PCDHGA2: variants seen among roughly 807,000 people sequenced by gnomAD.
PCDHGA2 encodes the protein protocadherin gamma-A2.
A neutral mutation model predicts 59.2 loss-of-function variants in PCDHGA2; 40 were observed. That is an observed-to-expected ratio of 0.68 (90% CI 0.52 to 0.88). The LOEUF (loss-of-function observed/expected upper bound fraction) is 0.88, where lower values mean the gene tolerates loss of function less well. Ranked by LOEUF, PCDHGA2 falls within the 40% of genes least tolerant of loss-of-function variation. The pLI, the probability that PCDHGA2 is intolerant of heterozygous loss-of-function variation, is 0.00. For missense variants in PCDHGA2, 1,226 were observed against 1,204.0 expected (o/e 1.02, Z -0.27); for synonymous variants, 560 against 526.0 (o/e 1.06, Z -0.89).
Position 141,425,952 on chromosome 5 carries a change from T to C in PCDHGA2, c.2425-68855T>C, listed in dbSNP as rs1047436598. 3.9e-5 allele frequency among the ~76,000 whole-genome samples: 6 copies of C among 152,364 alleles called. No individual in the cohort carries two copies. In the South Asian group the frequency reaches 8.3e-4, roughly 21 times the overall value. ...ATAAAATGTCTAGTTTCCTATACATTAGTCCAACACATCAGTCTAATTCTG... is the reference window on the plus strand; with the variant it reads ...ATAAAATGTCTAGTTTCCTATACATCAGTCCAACACATCAGTCTAATTCTG... On this transcript the variant is annotated intron_variant, in intron 1 of 3. Coordinates refer to ENST00000394576, the MANE Select transcript of PCDHGA2 (RefSeq NM_018915.4).
chr5:141,394,458 A>T, intron 1 of PCDHGA2: 1 of 1,614,218 alleles, frequency 6.2e-7, no homozygotes, highest in Non-Finnish European at 8.5e-7. Context: ...CATGTCACTG[A>T]GCCTGTTCGT....
At chr5:141,348,209 C>T (rs539504808) in intron 1 of PCDHGA2, among the ~76,000 whole-genome samples, 12 of 152,292 alleles carry the variant, frequency 7.9e-5, no homozygotes, top group African/African-American at 2.9e-4. Flanking sequence ...ATTCCTCCCT[C>T]AATATATTAG....
rs370067669 is a variant in PCDHGA2 at position 141,419,410 on chromosome 5, G to A, written c.2425-75397G>A. ...CGCAGAGCGGGGTGGTGTTCGCGCA[G>A]CGCGCCTTCGACCACGAGCAGCTGC... On this transcript the variant is annotated intron_variant, in intron 1 of 3. Coordinates refer to ENST00000394576, the MANE Select transcript of PCDHGA2 (RefSeq NM_018915.4). 140 of 1,613,468 alleles carry A rather than the reference G, an allele frequency of 8.7e-5. No individual in the cohort carries two copies. In the African/African-American group the frequency reaches 1.8e-3, roughly 20 times the overall value.
intron 1 of PCDHGA2, among the ~76,000 whole-genome samples, chr5:141,435,308 A>G (rs2097757210): frequency 6.6e-6 from 1 of 152,186 alleles, no homozygotes; most frequent in African/African-American, 2.4e-5. Flanking sequence ...GTTTTAAATC[A>G]TTCATGAACT....
rs777988497 is a variant in PCDHGA2, at chr5:141,356,894, C to A, written c.2424+15499C>A. The A allele has an allele frequency of 1.9e-6, 3 of 1,614,214 alleles. No homozygotes were observed. In the South Asian group the frequency reaches 3.3e-5, roughly 18 times the overall value. On this transcript the variant is annotated intron_variant, in intron 1 of 3. Transcript: ENST00000394576. Reference sequence around the variant, plus strand: ...GACAATGTCCCTGAGATCCTGTACCCCACCTTCCCTACTGATGGCTCCACT... The same window carrying A: ...GACAATGTCCCTGAGATCCTGTACCACACCTTCCCTACTGATGGCTCCACT...
chr5:141,364,945 G>A (rs543776650), intron 1 of PCDHGA2: 6 of 1,613,918 alleles, frequency 3.7e-6, no homozygotes, highest in South Asian at 3.3e-5. Context: ...GCGAGAAAGA[G>A]ACTGTTCACG....
intron 1 of PCDHGA2, chr5:141,375,222 G>C: frequency 6.2e-7 from 1 of 1,613,926 alleles, no homozygotes; most frequent in Non-Finnish European, 8.5e-7. Flanking sequence ...GGCCTGAATG[G>C]CCTGGTAACC....
Position 141,431,248 on chromosome 5 carries a change from G to A in PCDHGA2, c.2425-63559G>A. ...CCCACGCCTGGGATCCGGATATCGGGAAGAACTCTCTGCAGAGCTACGAGC... is the reference window on the plus strand; with the variant it reads ...CCCACGCCTGGGATCCGGATATCGGAAAGAACTCTCTGCAGAGCTACGAGC... On this transcript the variant is annotated intron_variant, in intron 1 of 3. Transcript: ENST00000394576. This position sits in a 1 kb window ranked among gnomAD's most constrained non-coding sequence, Gnocchi z 4.8. 2 of 1,614,140 alleles carry A rather than the reference G, an allele frequency of 1.2e-6. No homozygotes were observed. Among genetic ancestry groups the A allele is most frequent in the Non-Finnish European group, 1.7e-6 (2 of 1,180,048 alleles).
At chr5:141,430,737 A>G in intron 1 of PCDHGA2, 1 of 1,498,286 alleles carries the variant, frequency 6.7e-7, no homozygotes, top group South Asian at 1.4e-5. Flanking sequence ...CAGAATTGAA[A>G]ATAATTCTGG....
At chr5:141,384,046 A>T (rs372405767) in intron 1 of PCDHGA2, 1 of 1,612,316 alleles carries the variant, frequency 6.2e-7, no homozygotes, top group Admixed American at 1.7e-5. Context: ...TGGTGAGGTG[A>T]CCTGCACCAT....
chr5:141,366,628 T>A, intron 1 of PCDHGA2: 1 of 1,614,132 alleles, frequency 6.2e-7, no homozygotes, highest in Admixed American at 1.7e-5. Flanking sequence ...CGAGGAAGAG[T>A]CACCTGATCT....
intron 1 of PCDHGA2, chr5:141,370,329 A>G: frequency 9.9e-6 from 14 of 1,407,454 alleles, no homozygotes; most frequent in Non-Finnish European, 1.2e-5. Context: ...CTGCTCGGAG[A>G]ACTCTTGGGA....
chr5:141,363,393 A>G (rs906655840), intron 1 of PCDHGA2, among the ~76,000 whole-genome samples: 2 of 152,232 alleles, frequency 1.3e-5, no homozygotes, highest in Non-Finnish European at 2.9e-5. Flanking sequence ...TTCTGTTGTC[A>G]TATAAAGATG....
intron 1 of PCDHGA2, chr5:141,402,959 G>C: frequency 1.2e-5 from 19 of 1,604,470 alleles, no homozygotes; most frequent in Non-Finnish European, 1.5e-5. Context: ...AGCAATGGCA[G>C]CTCCAACCAA....
chr5:141,397,639 G>A (rs1391771739), intron 1 of PCDHGA2, among the ~76,000 whole-genome samples: 2 of 152,180 alleles, frequency 1.3e-5, no homozygotes, highest in Non-Finnish European at 2.9e-5. Context: ...AGAGTTCAAG[G>A]TATGTTTGCA....
At chr5:141,352,308 A>G (rs770269507) in intron 1 of PCDHGA2, 2 of 1,613,988 alleles carry the variant, frequency 1.2e-6, no homozygotes, top group Non-Finnish European at 1.7e-6. Context: ...CCCCAGACGG[A>G]ACTGCAGTTT....
In PCDHGA2 at chr5:141,364,605, G is replaced by A. The variant is rs1380468665; in HGVS notation, c.2424+23210G>A. On this transcript the variant is annotated intron_variant, in intron 1 of 3. Coordinates refer to ENST00000394576, the MANE Select transcript of PCDHGA2 (RefSeq NM_018915.4). Reference sequence around the variant, plus strand: ...TTGGTCACCGCGGGCAGGATAGACCGGGAGGAGCTCTGCGCTCAGAGCCCA... The same window carrying A: ...TTGGTCACCGCGGGCAGGATAGACCAGGAGGAGCTCTGCGCTCAGAGCCCA... 6 of 1,614,186 alleles carry A rather than the reference G, an allele frequency of 3.7e-6. No individual in the cohort carries two copies. Among genetic ancestry groups the A allele is most frequent in the Middle Eastern group, 1.6e-4 (1 of 6,062 alleles).
chr5:141,409,572 A>G (rs1440637025), intron 1 of PCDHGA2: 2 of 1,613,920 alleles, frequency 1.2e-6, no homozygotes, highest in South Asian at 1.1e-5. Context: ...CAGACGTCCT[A>G]CGTGGTCCAC....
In PCDHGA2 at chr5:141,489,098, T is replaced by C; in HGVS notation, c.2425-5709T>C. 1 of 293,346 alleles carries C rather than the reference T, an allele frequency of 3.4e-6. No homozygotes were observed. The highest frequency in any genetic ancestry group is 5.5e-5 in the South Asian group (1 of 18,124). The allele number at this position is 293,346 out of a possible 1,614,324, so 18.2% of individuals were successfully genotyped here. A position where few individuals can be genotyped will look rare whatever the true frequency, so the allele number is the denominator to read the frequency against. ...CCCCCGCCACTCGGTGACTAAGAAC[T>C]GCTGCAAGCAGGCAAACCTCCGAGC... On this transcript the variant is annotated intron_variant, in intron 1 of 3. Transcript: ENST00000394576. The surrounding 1 kb of genome is among the most constrained non-coding windows in gnomAD (Gnocchi z 4.5).
Sources: gnomAD v4.1 joint callset for allele counts (sites outside exome capture counted in the v4.1 genomes callset) on GRCh38, gnomAD v4.1.1 for gene constraint, Gnocchi (gnomAD v3.1) non-coding constraint, MANE v1.5 for transcripts, NCBI Gene and HGNC (gene_info 2026-07-23, HGNC 2026-07-21) for gene names.